Variants in ARHGEF10L observed in about 807,000 individuals in gnomAD.
ARHGEF10L encodes Rho guanine nucleotide exchange factor 10 like.
ARHGEF10L carries 69 observed loss-of-function variants against 141.2 expected under a neutral mutation model. That is an observed-to-expected ratio of 0.49 (90% CI 0.40 to 0.60). The LOEUF is 0.60. Ranked by LOEUF, ARHGEF10L falls within the 20% of genes least tolerant of loss-of-function variation. ARHGEF10L has a pLI of 0.00. For missense variants in ARHGEF10L, 1,482 were observed against 1,734.3 expected, an observed-to-expected ratio of 0.85 and a Z score of 2.58; for synonymous variants, 711 against 718.5, an observed-to-expected ratio of 0.99 and a Z score of 0.17.
rs1570427025 is a variant in ARHGEF10L, at chr1:17,553,422, C to T, written c.-44+13472C>T. Among the ~76,000 whole-genome samples the T allele has an allele frequency of 2.0e-5, 3 of 152,132 alleles. No homozygotes were observed. In the South Asian group the frequency reaches 6.2e-4, roughly 32 times the overall value. On this transcript the variant is annotated intron_variant, in intron 1 of 28. Transcript: ENST00000361221. ...TTTGCCACCTTTTTCTACTTCCTGTCCTCTATTGCCTGTGGGACTCGAGGA... is the reference window on the plus strand; with the variant it reads ...TTTGCCACCTTTTTCTACTTCCTGTTCTCTATTGCCTGTGGGACTCGAGGA...
At chr1:17,629,395 T>G (rs1220885589) in intron 15 of ARHGEF10L, among the ~76,000 whole-genome samples, 5 of 152,132 alleles carry the variant, frequency 3.3e-5, no homozygotes, top group Non-Finnish European at 7.4e-5. Context: ...CCTATAAAAT[T>G]CAGACTTGTG....
At chr1:17,669,872 C>G (rs2063207938) in intron 26 of ARHGEF10L, among the ~76,000 whole-genome samples, 1 of 152,248 alleles carries the variant, frequency 6.6e-6, no homozygotes, top group Non-Finnish European at 1.5e-5. Context: ...AGAGCTGGGA[C>G]TGTCAGCTTC....
intron 1 of ARHGEF10L, among the ~76,000 whole-genome samples, chr1:17,549,115 T>G (rs577012106): frequency 1.3e-5 from 2 of 152,002 alleles, no homozygotes; most frequent in East Asian, 3.9e-4. Context: ...CTCTGCATCC[T>G]GGGTTCGAGC....
rs115792703 is a variant in ARHGEF10L, at chr1:17,640,224, A to G, written c.2194A>G (p.Met732Val). The G allele has an allele frequency of 2.5e-6, 4 of 1,612,656 alleles. No individual in the cohort carries two copies. In the African/African-American group the frequency reaches 4.0e-5, roughly 16 times the overall value. ...CAGGTCCGGCCGCCCCATTAGCTTC[A>G]TGGTGGTTTTCATCACCCCCAACCC... ...PDKSGRPISF[M>V]VVFITPNPLS... The change falls in exon 21 of 29, where the codon ATG becomes GTG. Residue 732 changes from methionine (M) to valine (V), a missense_variant. By Grantham distance (21) the Met-to-Val change is conservative. Coordinates refer to ENST00000361221, the MANE Select transcript of ARHGEF10L (RefSeq NM_018125.4).
the ARHGEF10L span, among the ~76,000 whole-genome samples, chr1:17,513,792 T>C: frequency 6.6e-6 from 1 of 152,254 alleles, no homozygotes; most frequent in African/African-American, 2.4e-5. Flanking sequence ...ATGGAAATTC[T>C]TTCTTTTTTT....
intron 18 of ARHGEF10L, among the ~76,000 whole-genome samples, chr1:17,635,540 C>A (rs1346502396): frequency 6.6e-6 from 1 of 152,256 alleles, no homozygotes; most frequent in African/African-American, 2.4e-5. Context: ...ACCACGCCCT[C>A]TCCAGCCTGT....
At chr1:17,685,158 G>A (rs1181506532) in intron 26 of ARHGEF10L, among the ~76,000 whole-genome samples, 3 of 152,194 alleles carry the variant, frequency 2.0e-5, no homozygotes, top group Non-Finnish European at 2.9e-5. Context: ...AAGCCCACGC[G>A]AGGTCTTCGG....
chr1:17,618,848 T>C (rs1230017196), intron 9 of ARHGEF10L, among the ~76,000 whole-genome samples: 3 of 152,328 alleles, frequency 2.0e-5, no homozygotes, highest in Non-Finnish European at 4.4e-5. Flanking sequence ...TTGAACTTTT[T>C]CCCTTTAGCT....
intron 25 of ARHGEF10L, among the ~76,000 whole-genome samples, chr1:17,662,698 G>C (rs1455812640): frequency 6.6e-6 from 1 of 152,076 alleles, no homozygotes; most frequent in Non-Finnish European, 1.5e-5. Context: ...TGGTAGGGAA[G>C]GATGGGGAGG....
rs762513649 is a variant in ARHGEF10L, at chr1:17,648,650, TCTC to T, written c.2374_2376del (p.Ser792del). ...ATCCTGGCCTGCTGCATCCCTGCCT[TCTC>T]CTCCCGGGCACTCAGCCTGCAGGTG... On this transcript the variant is annotated inframe_deletion, in exon 22 of 29. Transcript: ENST00000361221. 8 of 1,612,826 alleles carry T rather than the reference TCTC, an allele frequency of 5.0e-6. No individual in the cohort carries two copies. The highest frequency in any genetic ancestry group is 4.5e-5 in the East Asian group (2 of 44,862).
intron 1 of ARHGEF10L, among the ~76,000 whole-genome samples, chr1:17,556,290 G>C: frequency 1.9e-5 from 1 of 53,236 alleles, no homozygotes; most frequent in African/African-American, 6.7e-5. Context: ...GGGCCTGGGA[G>C]CACAGGGCGG....
At chr1:17,534,697 C>A in the ARHGEF10L span, among the ~76,000 whole-genome samples, 1 of 151,476 alleles carries the variant, frequency 6.6e-6, no homozygotes, top group Admixed American at 6.6e-5. Context: ...TCAAGTGATT[C>A]TCCTGCCTCA....
rs935500429 is a variant in ARHGEF10L at position 17,558,647 on chromosome 1, G to A, written c.-44+18697G>A. Among the ~76,000 whole-genome samples the A allele has an allele frequency of 1.3e-5, 2 of 152,364 alleles. No homozygotes were observed. The highest frequency in any genetic ancestry group is 2.9e-5 in the Non-Finnish European group (2 of 68,040). Reference sequence around the variant, plus strand: ...AGGCAGGTCATCGTGGCTGGGGCAGGTGGGGACCTTTTCCTCTTTTGACAC... The same window carrying A: ...AGGCAGGTCATCGTGGCTGGGGCAGATGGGGACCTTTTCCTCTTTTGACAC... On this transcript the variant is annotated intron_variant, in intron 1 of 28. Transcript: ENST00000361221. The surrounding 1 kb of genome is among the most constrained non-coding windows in gnomAD (Gnocchi z 4.2).
chr1:17,683,395 C>T (rs1339522751), intron 26 of ARHGEF10L, among the ~76,000 whole-genome samples: 5 of 145,658 alleles, frequency 3.4e-5, no homozygotes, highest in South Asian at 2.2e-4. Context: ...CTGCTCTCAC[C>T]GGGGTGCTCA....
chr1:17,635,536 C>G (rs1305347441), intron 18 of ARHGEF10L, among the ~76,000 whole-genome samples: 1 of 152,242 alleles, frequency 6.6e-6, no homozygotes, highest in African/African-American at 2.4e-5. Flanking sequence ...TCCCACCACG[C>G]CCTCTCCAGC....
At chr1:17,604,401 CA>C (rs2080985207) in intron 6 of ARHGEF10L, 1 of 152,184 alleles carries the variant, frequency 6.6e-6, no homozygotes, top group Non-Finnish European at 1.5e-5. Context: ...GAGGTTAAAT[CA>C]CCAGCCCCAG....
intron 4 of ARHGEF10L, among the ~76,000 whole-genome samples, chr1:17,596,411 C>A (rs1441109966): frequency 2.0e-5 from 3 of 152,222 alleles, no homozygotes; most frequent in Non-Finnish European, 2.9e-5. Context: ...CTCTCCTGTC[C>A]TGTCCCTCCC....
intron 4 of ARHGEF10L, among the ~76,000 whole-genome samples, chr1:17,597,776 A>G (rs1167548756): frequency 1.3e-5 from 2 of 152,176 alleles, no homozygotes; most frequent in Non-Finnish European, 2.9e-5. Context: ...CACCAGAGCC[A>G]GTACCTGGGC....
In ARHGEF10L at chr1:17,639,517, C is replaced by T. The variant is rs1038432874; in HGVS notation, c.2172-685C>T. 9.2e-5 allele frequency among the ~76,000 whole-genome samples: 14 copies of T among 152,236 alleles called. No individual in the cohort carries two copies. The highest frequency in any genetic ancestry group is 2.4e-4 in the African/African-American group (10 of 41,560). On this transcript the variant is annotated intron_variant, in intron 20 of 28. Transcript: ENST00000361221. This position sits in a 1 kb window ranked among gnomAD's most constrained non-coding sequence, Gnocchi z 4.3. Reference sequence around the variant, plus strand: ...TAGGAGTCAGCAGCTTTGAATCTGCCGCCTCCCTGTTGAGTGGCCTGTCCG... The same window carrying T: ...TAGGAGTCAGCAGCTTTGAATCTGCTGCCTCCCTGTTGAGTGGCCTGTCCG...
Sources: allele counts gnomAD v4.1 joint callset (sites outside exome capture counted in the v4.1 genomes callset), GRCh38; gene constraint gnomAD v4.1.1; non-coding constraint Gnocchi (gnomAD v3.1); transcripts MANE v1.5; gene names NCBI Gene and HGNC (gene_info 2026-07-23, HGNC 2026-07-21).